The following SPIN1 variants were observed in gnomAD, a reference collection of about 807,000 sequenced individuals.
SPIN1 encodes the protein spindlin-1.
A neutral mutation model predicts 26.0 loss-of-function variants in SPIN1; 3 were observed. The observed-to-expected ratio is 0.12, with a 90% CI of 0.05 to 0.30. The LOEUF is 0.30. Ranked by LOEUF, SPIN1 falls within the 10% of genes least tolerant of loss-of-function variation. The pLI is 1.00. For missense variants in SPIN1, 126 were observed against 333.4 expected (o/e 0.38, Z 4.84); for synonymous variants, 101 against 116.5 (o/e 0.87, Z 0.86).
At chr9:88,412,120 A>G (rs1299640457) in intron 1 of SPIN1, among the ~76,000 whole-genome samples, 3 of 151,914 alleles carry the variant, frequency 2.0e-5, no homozygotes, top group Non-Finnish European at 4.4e-5. Context: ...CGGAGCTTGC[A>G]GTGAGCCGAG....
chr9:88,396,069 A>C (rs762997580), intron 1 of SPIN1, among the ~76,000 whole-genome samples: 11 of 148,872 alleles, frequency 7.4e-5, no homozygotes, highest in Non-Finnish European at 1.3e-4. Context: ...AACAACAACA[A>C]AAAAACCCGT....
intron 3 of SPIN1, among the ~76,000 whole-genome samples, chr9:88,458,681 A>G (rs1047308622): frequency 3.3e-5 from 5 of 152,176 alleles, no homozygotes; most frequent in Non-Finnish European, 5.9e-5. Flanking sequence ...AGAGAGAGAA[A>G]AACACATGAG....
At chr9:88,473,080 A>C (rs185581422) in intron 5 of SPIN1, among the ~76,000 whole-genome samples, 2 of 152,078 alleles carry the variant, frequency 1.3e-5, no homozygotes, top group African/African-American at 2.4e-5. Flanking sequence ...TTGAATTTCT[A>C]CTTCTTCAAT....
intron 1 of SPIN1, among the ~76,000 whole-genome samples, chr9:88,405,535 C>CTTTT (rs1587775787): frequency 8.9e-6 from 1 of 112,314 alleles, no homozygotes; most frequent in South Asian, 2.8e-4. Context: ...CCTGTACTAT[C>CTTTT]CTTTTTTTTT....
intron 1 of SPIN1, among the ~76,000 whole-genome samples, chr9:88,398,357 TC>T (rs1449447534): frequency 6.6e-6 from 1 of 152,106 alleles, no homozygotes; most frequent in African/African-American, 2.4e-5. Context: ...ATTTTAGTTT[TC>T]CCACAAAGGC....
chr9:88,426,785 A>G (rs1285922851), intron 2 of SPIN1, among the ~76,000 whole-genome samples, 194 bp downstream of exon 2: 4 of 152,246 alleles, frequency 2.6e-5, no homozygotes, highest in African/African-American at 7.2e-5. Flanking sequence ...AAATTTCTGT[A>G]TAATCCTTTA....
chr9:88,467,664 T>C (rs888136489), intron 4 of SPIN1, among the ~76,000 whole-genome samples: 1 of 152,098 alleles, frequency 6.6e-6, no homozygotes, highest in African/African-American at 2.4e-5. Flanking sequence ...AGCAGTTTGG[T>C]TGTTTTTCAA....
chr9:88,388,761 G>T, intron 1 of SPIN1, among the ~76,000 whole-genome samples: 1 of 149,446 alleles, frequency 6.7e-6, no homozygotes, highest in African/African-American at 2.4e-5. Context: ...GCGCTCCTTT[G>T]TTCGCCGGCC....
chr9:88,398,847 G>A (rs1443970221), intron 1 of SPIN1, among the ~76,000 whole-genome samples: 2 of 151,928 alleles, frequency 1.3e-5, no homozygotes, highest in East Asian at 1.9e-4. Context: ...GATTACAGGC[G>A]TGAGCCACCG....
At chr9:88,444,077 T>A (rs1434417779) in intron 2 of SPIN1, among the ~76,000 whole-genome samples, 2 of 152,124 alleles carry the variant, frequency 1.3e-5, no homozygotes, top group Admixed American at 1.3e-4. Flanking sequence ...TCTTGTGACC[T>A]CAATTCTCTG....
rs943964398 is a variant in SPIN1, at chr9:88,477,689, ATTTTTC to A, written c.*2414_*2419del. 1 of 152,544 alleles carries A rather than the reference ATTTTTC, an allele frequency of 6.6e-6. No homozygotes were observed. Among genetic ancestry groups the A allele is most frequent in the Non-Finnish European group, 1.5e-5 (1 of 68,032 alleles). 9.4% of individuals were successfully genotyped at this position (152,544 alleles called of 1,614,324 possible). On this transcript the variant is annotated 3_prime_UTR_variant, in exon 6 of 6. Coordinates refer to ENST00000375859, the MANE Select transcript of SPIN1 (RefSeq NM_006717.3). ...TGTCAGATCTGCATGCATTGCTTGC[ATTTTTC>A]TGGTATCTGAATGTTGGTTCCTTGT...
intron 3 of SPIN1, among the ~76,000 whole-genome samples, chr9:88,453,550 T>A (rs958822722): frequency 7.9e-5 from 12 of 151,768 alleles, no homozygotes; most frequent in African/African-American, 2.9e-4. Context: ...TTTTTTTTTT[T>A]ACCGAGATGG....
intron 5 of SPIN1, among the ~76,000 whole-genome samples, chr9:88,474,409 G>C (rs753396140): frequency 4.6e-5 from 7 of 152,162 alleles, no homozygotes; most frequent in Non-Finnish European, 8.8e-5. Context: ...ACAGATGCCT[G>C]TGCCATCCTC....
chr9:88,426,679 T>A, intron 2 of SPIN1, 88 bp downstream of exon 2: 1 of 1,163,078 alleles, frequency 8.6e-7, no homozygotes, highest in Admixed American at 2.3e-5. Flanking sequence ...TTTCACATAA[T>A]AGCTAGTGAA....
chr9:88,450,540 T>C (rs1828335125), intron 3 of SPIN1, among the ~76,000 whole-genome samples: 1 of 152,200 alleles, frequency 6.6e-6, no homozygotes, highest in South Asian at 2.1e-4. Flanking sequence ...TAATAAGCCA[T>C]ACTGTTCATT....
At chr9:88,411,349 C>A (rs1390517921) in intron 1 of SPIN1, 13 of 1,523,416 alleles carry the variant, frequency 8.5e-6, no homozygotes, top group Non-Finnish European at 1.1e-5. Flanking sequence ...CCGTGAGTGT[C>A]CCCCATTGCT....
At chr9:88,406,641 C>A (rs1488175224) in intron 1 of SPIN1, among the ~76,000 whole-genome samples, 4 of 152,108 alleles carry the variant, frequency 2.6e-5, no homozygotes, top group Admixed American at 2.6e-4. Context: ...ATGATTAGAG[C>A]ATCTGTCTAT....
At chr9:88,399,260 C>G (rs939674003) in intron 1 of SPIN1, among the ~76,000 whole-genome samples, 1 of 151,936 alleles carries the variant, frequency 6.6e-6, no homozygotes, top group Non-Finnish European at 1.5e-5. Flanking sequence ...TCTTGAACTC[C>G]TGACCTCGTG....
intron 1 of SPIN1, among the ~76,000 whole-genome samples, chr9:88,420,580 A>G (rs1445537854): frequency 6.6e-6 from 1 of 152,216 alleles, no homozygotes; most frequent in Non-Finnish European, 1.5e-5. Flanking sequence ...AGTTATAGCA[A>G]TTTGATTAGT....
Sources: gnomAD v4.1 joint callset for allele counts (sites outside exome capture counted in the v4.1 genomes callset) on GRCh38, gnomAD v4.1.1 for gene constraint, MANE v1.5 for transcripts, NCBI Gene and HGNC (gene_info 2026-07-23, HGNC 2026-07-21) for gene names.